MACROD2: variants seen among roughly 807,000 people sequenced by gnomAD.
The protein encoded by MACROD2 is mono-ADP ribosylhydrolase 2, also known as ADP-ribose glycohydrolase MACROD2.
MACROD2 carries 36 observed loss-of-function variants against 70.4 expected under a neutral mutation model. The ratio of observed to expected loss-of-function variants is 0.51; its 90% confidence interval spans 0.39 to 0.68. MACROD2 has a LOEUF of 0.68. MACROD2 is among the 30% of genes least tolerant of loss of function. MACROD2 has a pLI of 0.00. For synonymous variants in MACROD2, 172 were observed against 178.8 expected, an observed-to-expected ratio of 0.96 and a Z score of 0.30; for missense variants, 496 against 538.4, an observed-to-expected ratio of 0.92 and a Z score of 0.78.
chr20:16,031,346 A>G (rs1235049971), intron 15 of MACROD2, among the ~76,000 whole-genome samples: 1 of 152,216 alleles, frequency 6.6e-6, no homozygotes, highest in African/African-American at 2.4e-5. Flanking sequence ...GAGATTGCGG[A>G]GAAATCATTA....
intron 4 of MACROD2, among the ~76,000 whole-genome samples, chr20:14,503,104 A>G (rs181648495): frequency 8.9e-4 from 136 of 152,312 alleles, no homozygotes; most frequent in African/African-American, 3.1e-3. Flanking sequence ...GCATTTTTCT[A>G]TTCAGGCACA....
At chr20:14,685,361 A>T (rs992756385) in intron 5 of MACROD2, among the ~76,000 whole-genome samples, 28 of 152,140 alleles carry the variant, frequency 1.8e-4, no homozygotes, top group African/African-American at 6.3e-4. Context: ...TGTTTAGAGC[A>T]AAGGAGATCA....
At chr20:14,836,175 A>G (rs1444931437) in intron 5 of MACROD2, among the ~76,000 whole-genome samples, 1 of 152,098 alleles carries the variant, frequency 6.6e-6, no homozygotes, top group Non-Finnish European at 1.5e-5. Flanking sequence ...AAATTTTGGA[A>G]AAGAGTGGGT....
At chr20:14,177,921 T>G (rs1169194843) in intron 3 of MACROD2, among the ~76,000 whole-genome samples, 2 of 152,144 alleles carry the variant, frequency 1.3e-5, no homozygotes, top group East Asian at 3.8e-4. Context: ...AAAAGTGCAT[T>G]TTTCTTTAAA....
At chr20:15,944,464 A>AGTTC (rs2065793775) in intron 12 of MACROD2, among the ~76,000 whole-genome samples, 2 of 152,118 alleles carry the variant, frequency 1.3e-5, no homozygotes, top group Non-Finnish European at 2.9e-5. Flanking sequence ...CCTGTCTTTC[A>AGTTC]AATATAACAG....
intron 7 of MACROD2, among the ~76,000 whole-genome samples, chr20:15,490,724 C>T (rs750836022): frequency 2.3e-4 from 35 of 152,088 alleles, no homozygotes; most frequent in Admixed American, 4.6e-4. Context: ...TACGAAGGTC[C>T]CGAGCTCTGG....
intron 5 of MACROD2, among the ~76,000 whole-genome samples, chr20:15,180,297 ATACT>A (rs1462708805): frequency 6.6e-6 from 1 of 152,212 alleles, no homozygotes; most frequent in African/African-American, 2.4e-5. Context: ...GAACCTGAAA[ATACT>A]TTTTTTTATC....
chr20:14,993,685 A>G (rs2074925846), intron 5 of MACROD2, among the ~76,000 whole-genome samples: 1 of 152,222 alleles, frequency 6.6e-6, no homozygotes, highest in Non-Finnish European at 1.5e-5. Context: ...CTGTGAAACA[A>G]CAACTAAATG....
intron 3 of MACROD2, among the ~76,000 whole-genome samples, chr20:14,423,345 C>T (rs1693695054): frequency 6.6e-6 from 1 of 151,132 alleles, no homozygotes; most frequent in Admixed American, 6.6e-5. Flanking sequence ...TAGGTTTAGA[C>T]ACTTGCTGCT....
intron 5 of MACROD2, among the ~76,000 whole-genome samples, chr20:14,973,718 C>T (rs948298721): frequency 6.6e-6 from 1 of 152,054 alleles, no homozygotes; most frequent in Non-Finnish European, 1.5e-5. Flanking sequence ...GTCATTTTTC[C>T]ATTTAATAAA....
At chr20:16,028,810 G>A (rs2067115186) in intron 15 of MACROD2, among the ~76,000 whole-genome samples, 2 of 152,196 alleles carry the variant, frequency 1.3e-5, no homozygotes, top group African/African-American at 4.8e-5. Context: ...TCAAGTAGCA[G>A]CTTTAGGATG....
chr20:15,092,141 T>C (rs1218231274), intron 5 of MACROD2, among the ~76,000 whole-genome samples: 3 of 151,612 alleles, frequency 2.0e-5, no homozygotes, highest in Admixed American at 6.6e-5. Context: ...TCTTCACCAA[T>C]GTGAAAGCTA....
At chr20:15,060,553 G>A (rs1306498625) in intron 5 of MACROD2, among the ~76,000 whole-genome samples, 1 of 152,072 alleles carries the variant, frequency 6.6e-6, no homozygotes. Context: ...TTGACTGGAT[G>A]GTGACTTCCC....
intron 3 of MACROD2, among the ~76,000 whole-genome samples, chr20:14,405,198 G>T (rs2083679523): frequency 6.6e-6 from 1 of 152,096 alleles, no homozygotes. Context: ...AATAATTTTA[G>T]TAAGAAGATT....
intron 15 of MACROD2, among the ~76,000 whole-genome samples, chr20:16,026,242 G>C (rs1336828299): frequency 1.3e-5 from 2 of 152,244 alleles, no homozygotes; most frequent in East Asian, 3.9e-4. Context: ...CATCTGAAGG[G>C]GAATGAGGTC....
chr20:15,883,878 A>G (rs2038467691), intron 9 of MACROD2, among the ~76,000 whole-genome samples: 1 of 152,130 alleles, frequency 6.6e-6, no homozygotes, highest in South Asian at 2.1e-4. Context: ...TACAGAATTT[A>G]TGATCTGGAG....
intron 2 of MACROD2, among the ~76,000 whole-genome samples, chr20:14,057,928 C>G (rs904446667): frequency 1.3e-5 from 2 of 152,068 alleles, no homozygotes; most frequent in Admixed American, 6.6e-5. Context: ...GACACAAATA[C>G]TTACCGTGTA....
intron 4 of MACROD2, among the ~76,000 whole-genome samples, chr20:14,645,509 G>A (rs1039277482): frequency 1.1e-4 from 17 of 152,074 alleles, no homozygotes; most frequent in African/African-American, 3.9e-4. Context: ...AATTTTGATT[G>A]TGGTGTGCTT....
At chr20:15,200,172 G>A (rs1029683861) in intron 5 of MACROD2, among the ~76,000 whole-genome samples, 4 of 152,150 alleles carry the variant, frequency 2.6e-5, no homozygotes, top group Admixed American at 6.5e-5. Flanking sequence ...GTCATAAGTT[G>A]AAGAAGAAAA....
Sources: gnomAD v4.1 joint callset for allele counts (sites outside exome capture counted in the v4.1 genomes callset) on GRCh38, gnomAD v4.1.1 for gene constraint, MANE v1.5 for transcripts, NCBI Gene and HGNC (gene_info 2026-07-23, HGNC 2026-07-21) for gene names.